DNAH5: variants seen among roughly 807,000 people sequenced by gnomAD.
DNAH5 encodes axonemal beta dynein heavy chain 5.
Under a neutral mutation model 518.2 loss-of-function variants are expected in DNAH5, and 372 were observed. The ratio of observed to expected loss-of-function variants is 0.72; its 90% confidence interval spans 0.66 to 0.78. DNAH5 has a LOEUF of 0.78. Among genes scored for constraint, DNAH5 ranks in the 30% least tolerant of loss-of-function variants. The probability of loss-of-function intolerance (pLI) is 0.00; values close to 1 mark genes in which losing one functional copy is unlikely to be tolerated. For synonymous variants in DNAH5, 2,039 were observed against 2,025.9 expected (o/e 1.01, Z -0.17); for missense variants, 5,523 against 5,687.0 (o/e 0.97, Z 0.93).
At chr5:13,983,286 C>G (rs569380275) in intron 1 of DNAH5, among the ~76,000 whole-genome samples, 1 of 152,288 alleles carries the variant, frequency 6.6e-6, no homozygotes, top group East Asian at 1.9e-4. Flanking sequence ...AGACAACACC[C>G]CACCCTGCTG....
chr5:13,886,845 T>C (rs1162392666), intron 17 of DNAH5, among the ~76,000 whole-genome samples: 1 of 152,342 alleles, frequency 6.6e-6, no homozygotes, highest in African/African-American at 2.4e-5. Flanking sequence ...TTCCCTCATA[T>C]GTATAATGGT....
In DNAH5 at chr5:13,788,780, G is replaced by T. The variant is rs951265451; in HGVS notation, c.8583C>A (p.Leu2861=). The T allele has an allele frequency of 6.2e-7, 1 of 1,614,032 alleles. No individual in the cohort carries two copies. The highest frequency in any genetic ancestry group is 8.5e-7 in the Non-Finnish European group (1 of 1,179,980). ...VEEEFGEEKK[L]LVDCGIDTYF... is the part of the protein sequence containing the mutation. The stretch of plus-strand genomic sequence containing the variant: ...ATGTGTCAATTCCACAATCCACCAA[G>T]AGTTTTTTCTCTTCACCAAACTCCT... Residue 2861 remains leucine, a synonymous_variant, in exon 51 of 79, where the codon CTC becomes CTA. Transcript: ENST00000265104.
chr5:13,757,259 T>C (rs1688277688), intron 61 of DNAH5, among the ~76,000 whole-genome samples: 1 of 152,258 alleles, frequency 6.6e-6, no homozygotes, highest in African/African-American at 2.4e-5. Context: ...TTTCTGTTTT[T>C]ACGTCTTTGA....
chr5:13,882,668 T>A, intron 21 of DNAH5, 60 bp downstream of exon 21: 2 of 1,341,894 alleles, frequency 1.5e-6, no homozygotes, highest in Non-Finnish European at 2.1e-6. Flanking sequence ...TTAAAAAACA[T>A]TTAAGCTCAA....
Position 13,850,913 on chromosome 5 carries a change from C to T in DNAH5, c.4951-98G>A, listed in dbSNP as rs1363658625. The T allele has an allele frequency of 6.5e-6, 8 of 1,233,124 alleles. No individual in the cohort carries two copies. In the African/African-American group the frequency reaches 1.0e-4, roughly 16 times the overall value. 76.4% of individuals were successfully genotyped at this position (1,233,124 alleles called of 1,614,324 possible). A position where few individuals can be genotyped will look rare whatever the true frequency, so the allele number is the denominator to read the frequency against. ...CCTCCAGCTGAGGCTAGAGCTTTAACCAGTCCAGATATCCAAGCAATATAT... is the reference window on the plus strand; with the variant it reads ...CCTCCAGCTGAGGCTAGAGCTTTAATCAGTCCAGATATCCAAGCAATATAT... On this transcript the variant is annotated intron_variant, in intron 30 of 78. Transcript: ENST00000265104.
At chr5:13,869,324 G>GTT (rs56233228) in intron 24 of DNAH5, among the ~76,000 whole-genome samples, 11 of 151,612 alleles carry the variant, frequency 7.3e-5, no homozygotes, top group Admixed American at 1.3e-4. Context: ...TACAACTGGA[G>GTT]TTTTTTTTAA....
intron 68 of DNAH5, among the ~76,000 whole-genome samples, chr5:13,732,338 C>T (rs934489803): frequency 2.6e-5 from 4 of 152,082 alleles, no homozygotes; most frequent in African/African-American, 9.7e-5. Flanking sequence ...CACTGCAATT[C>T]TCACATAGTG....
chr5:13,984,100 G>T (rs339418), intron 1 of DNAH5, among the ~76,000 whole-genome samples: 52,177 of 151,932 alleles, frequency 0.34, 9,865 homozygotes, highest in South Asian at 0.51. Context: ...AGCAGGAGAG[G>T]GGGGCAGAGA....
chr5:13,778,596 A>AAGAAAGAGAGAG (rs768853052), intron 53 of DNAH5, among the ~76,000 whole-genome samples: 18 of 102,234 alleles, frequency 1.8e-4, no homozygotes, highest in South Asian at 1.5e-3. Flanking sequence ...GAAAGAAAGA[A>AAGAAAGAGAGAG]AGAGAGAGAG....
chr5:13,985,730 G>A (rs745684029), intron 1 of DNAH5, among the ~76,000 whole-genome samples: 3 of 151,990 alleles, frequency 2.0e-5, no homozygotes, highest in African/African-American at 7.3e-5. Context: ...CCCTTGAGTC[G>A]GGAATTCCTT....
At chr5:13,943,372 TCTATA>T (rs1779637934) in intron 1 of DNAH5, among the ~76,000 whole-genome samples, 1 of 152,194 alleles carries the variant, frequency 6.6e-6, no homozygotes, top group Non-Finnish European at 1.5e-5. Flanking sequence ...TGACAAGGAC[TCTATA>T]AGACATCGAA....
At chr5:13,936,928 C>T (rs1386767939) in intron 1 of DNAH5, among the ~76,000 whole-genome samples, 2 of 152,028 alleles carry the variant, frequency 1.3e-5, no homozygotes, top group Admixed American at 6.6e-5. Context: ...TTTCCCAGAC[C>T]CTCCTGAAGT....
chr5:13,769,061 C>T lies in DNAH5; in HGVS notation c.9796G>A (p.Ala3266Thr). The stretch of plus-strand genomic sequence containing the variant: ...GAGATGCTGTCCACAATGGCCTGGG[C>T]CCTGTCCTTCACCTTCTGTACCTCA... ...KAEVQKVKDR[A>T]QAIVDSISKD... Residue 3266 changes from alanine (A) to threonine (T), a missense_variant, in exon 58 of 79, where the codon GCC becomes ACC. This residue lies in a region of DNAH5 where 5,121 missense variants were observed against 5,223.3 expected (regional missense o/e 0.98). Coordinates refer to ENST00000265104, the MANE Select transcript of DNAH5 (RefSeq NM_001369.3). 6.2e-7 allele frequency: 1 copy of T among 1,614,226 alleles called. No homozygotes were observed. Among genetic ancestry groups the T allele is most frequent in the Non-Finnish European group, 8.5e-7 (1 of 1,180,030 alleles).
At chr5:13,787,951 C>A (rs1232691750) in intron 51 of DNAH5, among the ~76,000 whole-genome samples, 1 of 152,102 alleles carries the variant, frequency 6.6e-6, no homozygotes, top group East Asian at 1.9e-4. Flanking sequence ...TTTTAAAAAT[C>A]TGCAAATTAA....
At chr5:13,827,709 G>C (rs548885620) in intron 38 of DNAH5, among the ~76,000 whole-genome samples, 1 of 151,988 alleles carries the variant, frequency 6.6e-6, no homozygotes, top group East Asian at 2.0e-4. Flanking sequence ...AAAATGATAT[G>C]ATTCAGCTGT....
At chr5:13,871,824 A>T in intron 22 of DNAH5, 59 bp from the exon 23 acceptor site, 1 of 1,426,972 alleles carries the variant, frequency 7.0e-7, no homozygotes, top group Non-Finnish European at 9.9e-7. Flanking sequence ...ACAATGATAT[A>T]AGTGAATATT....
chr5:13,813,128 T>C (rs568494322), intron 43 of DNAH5, among the ~76,000 whole-genome samples: 70 of 152,324 alleles, frequency 4.6e-4, no homozygotes, highest in Non-Finnish European at 7.8e-4. Flanking sequence ...ATCTGATTCT[T>C]CTCATGAGTC....
chr5:13,717,669 T>C lies in DNAH5; in HGVS notation c.12500-149A>G, dbSNP rs150824951. 2.4e-4 allele frequency: 188 copies of C among 787,620 alleles called. 3 individuals are homozygous for C. In the African/African-American group the frequency reaches 2.9e-3, roughly 12 times the overall value. The allele number at this position is 787,620 out of a possible 1,614,324, so 48.8% of individuals were successfully genotyped here. On this transcript the variant is annotated intron_variant, in intron 72 of 78. Coordinates refer to ENST00000265104, the MANE Select transcript of DNAH5 (RefSeq NM_001369.3). ...ATGACACTCATGTGACAATAATAAT[T>C]TAACTTTTGGGTGTCCAGAGGCCAT...
intron 1 of DNAH5, among the ~76,000 whole-genome samples, chr5:13,943,104 GA>G (rs1187704199): frequency 6.6e-6 from 1 of 152,142 alleles, no homozygotes; most frequent in Admixed American, 6.5e-5. Context: ...TCATGTCAAG[GA>G]AGAATAATTC....
Sources: allele counts gnomAD v4.1 joint callset (sites outside exome capture counted in the v4.1 genomes callset), GRCh38; gene constraint gnomAD v4.1.1; regional missense constraint gnomAD v4.1.1; transcripts MANE v1.5; gene names NCBI Gene and HGNC (gene_info 2026-07-23, HGNC 2026-07-21).